Variants in SPATA16 observed in about 807,000 individuals in gnomAD.
SPATA16 encodes the protein spermatogenesis associated 16.
In SPATA16, 36 loss-of-function variants were observed where a neutral mutation model predicts 63.3. The observed-to-expected ratio is 0.57, with a 90% CI of 0.44 to 0.75. The LOEUF (loss-of-function observed/expected upper bound fraction) is 0.75. Among genes scored for constraint, SPATA16 ranks in the 30% least tolerant of loss-of-function variants. SPATA16 has a pLI of 0.00. For missense variants in SPATA16, 646 were observed against 679.3 expected (o/e 0.95, Z 0.54); for synonymous variants, 203 against 216.7 (o/e 0.94, Z 0.56).
chr3:173,082,452 A>G (rs1349909411), intron 2 of SPATA16, among the ~76,000 whole-genome samples: 1 of 152,116 alleles, frequency 6.6e-6, no homozygotes, highest in East Asian at 1.9e-4. Flanking sequence ...GAACTTCAGA[A>G]GGGGGCTTTT....
intron 5 of SPATA16, among the ~76,000 whole-genome samples, chr3:172,973,561 TGCCTCAGAATGTGGCTGAA>T (rs1734092282): frequency 6.6e-6 from 1 of 152,132 alleles, no homozygotes; most frequent in Non-Finnish European, 1.5e-5. Context: ...AAAACTTTTG[TGCCTCAGAATGTGGCTGAA>T]AGTGAATGCA....
intron 4 of SPATA16, among the ~76,000 whole-genome samples, chr3:172,977,289 G>A (rs983918870): frequency 4.6e-5 from 7 of 152,090 alleles, no homozygotes; most frequent in African/African-American, 1.7e-4. Flanking sequence ...TGTCTTCTAG[G>A]TGCTTTTTAA....
chr3:173,019,170 C>G (rs1735260379), intron 4 of SPATA16, among the ~76,000 whole-genome samples: 1 of 152,058 alleles, frequency 6.6e-6, no homozygotes, highest in African/African-American at 2.4e-5. Flanking sequence ...AGAAATGTGT[C>G]ATTACAATGT....
At chr3:173,109,390 C>T (rs1476739329) in intron 2 of SPATA16, among the ~76,000 whole-genome samples, 1 of 152,130 alleles carries the variant, frequency 6.6e-6, no homozygotes. Flanking sequence ...GGTGGGTGTG[C>T]AGCACAGCCA....
chr3:173,084,940 G>T (rs1377908357), intron 2 of SPATA16, among the ~76,000 whole-genome samples: 1 of 152,164 alleles, frequency 6.6e-6, no homozygotes, highest in Non-Finnish European at 1.5e-5. Flanking sequence ...ATAGTTTGAA[G>T]TTGGATAGCG....
chr3:172,934,029 A>G (rs1048054765), intron 6 of SPATA16, among the ~76,000 whole-genome samples: 9 of 152,172 alleles, frequency 5.9e-5, no homozygotes, highest in African/African-American at 7.2e-5. Context: ...TTATTACAAC[A>G]TTATTACAAT....
intron 5 of SPATA16, among the ~76,000 whole-genome samples, chr3:172,971,643 A>G (rs957097572): frequency 3.9e-5 from 6 of 152,184 alleles, no homozygotes; most frequent in African/African-American, 1.4e-4. Flanking sequence ...GTCACTAAGT[A>G]AGTATTTGTT....
intron 5 of SPATA16, among the ~76,000 whole-genome samples, chr3:172,962,879 T>C (rs1733822819): frequency 6.6e-6 from 1 of 152,106 alleles, no homozygotes; most frequent in African/African-American, 2.4e-5. Context: ...AAAATAAAAT[T>C]TTGTGAGCTA....
At chr3:173,028,011 C>T (rs1381680992) in intron 3 of SPATA16, among the ~76,000 whole-genome samples, 65 of 62,998 alleles carry the variant, frequency 1.0e-3, no homozygotes, top group African/African-American at 5.8e-3. Flanking sequence ...CCCTCCCTCC[C>T]TCCCTTCCTT....
intron 6 of SPATA16, among the ~76,000 whole-genome samples, chr3:172,927,655 A>G (rs1732768941): frequency 2.6e-5 from 4 of 152,216 alleles, no homozygotes; most frequent in Admixed American, 2.6e-4. Flanking sequence ...GCCCAAGATC[A>G]CACACTGAGC....
intron 3 of SPATA16, among the ~76,000 whole-genome samples, chr3:173,043,408 T>C (rs1735890223): frequency 6.6e-6 from 1 of 152,020 alleles, no homozygotes; most frequent in African/African-American, 2.4e-5. Flanking sequence ...CTTACTATAG[T>C]AAAATTCCAT....
intron 1 of SPATA16, among the ~76,000 whole-genome samples, chr3:173,121,483 A>C (rs1222052912): frequency 2.0e-5 from 3 of 152,140 alleles, no homozygotes; most frequent in Non-Finnish European, 4.4e-5. Flanking sequence ...CTACCTTTCC[A>C]AACCTACCAA....
At position 172,924,192 on chromosome 3, in the gene SPATA16, A is replaced by G; in HGVS notation, c.1338+16T>C. On this transcript the variant is annotated intron_variant, in intron 8 of 10. Coordinates refer to ENST00000351008, the MANE Select transcript of SPATA16 (RefSeq NM_031955.6). The stretch of plus-strand genomic sequence containing the variant: ...TATTTGTACATTGGACAAATATAAA[A>G]GACTCATATACCTACATTCAATTGG... The G allele has an allele frequency of 6.4e-7, 1 of 1,564,426 alleles. No homozygotes were observed. The highest frequency in any genetic ancestry group is 8.8e-7 in the Non-Finnish European group (1 of 1,135,788).
intron 4 of SPATA16, among the ~76,000 whole-genome samples, chr3:172,995,295 G>C (rs561458713): frequency 2.0e-5 from 3 of 152,074 alleles, no homozygotes; most frequent in African/African-American, 7.2e-5. Context: ...ACAACTTTTG[G>C]AGAAGTGAGA....
chr3:173,003,005 T>A (rs574390127), intron 4 of SPATA16, among the ~76,000 whole-genome samples: 1 of 152,326 alleles, frequency 6.6e-6, no homozygotes, highest in Admixed American at 6.5e-5. Flanking sequence ...AAGAAGATTT[T>A]TTTAAACTCA....
chr3:173,061,657 T>C (rs1246727161), intron 2 of SPATA16, among the ~76,000 whole-genome samples: 1 of 151,640 alleles, frequency 6.6e-6, no homozygotes, highest in Non-Finnish European at 1.5e-5. Flanking sequence ...TATACTCCCT[T>C]AACAGGGTGG....
At chr3:172,904,432 C>T (rs79558554) in intron 10 of SPATA16, among the ~76,000 whole-genome samples, 13 of 152,166 alleles carry the variant, frequency 8.5e-5, no homozygotes, top group South Asian at 2.1e-4. Flanking sequence ...TAAAAGTGGC[C>T]GAGCTCCTGG....
At chr3:172,962,060 A>G (rs1477797316) in intron 5 of SPATA16, among the ~76,000 whole-genome samples, 2 of 151,968 alleles carry the variant, frequency 1.3e-5, no homozygotes, top group Admixed American at 1.3e-4. Context: ...CGAAACCAGC[A>G]TGGCCAACAT....
chr3:173,094,838 C>G (rs971124490), intron 2 of SPATA16, among the ~76,000 whole-genome samples: 7 of 152,036 alleles, frequency 4.6e-5, no homozygotes, highest in African/African-American at 1.7e-4. Context: ...GGAGCAGCTC[C>G]GTTTTATCTT....
Sources: allele counts gnomAD v4.1 joint callset (sites outside exome capture counted in the v4.1 genomes callset), GRCh38; gene constraint gnomAD v4.1.1; transcripts MANE v1.5; gene names NCBI Gene and HGNC (gene_info 2026-07-23, HGNC 2026-07-21).